Variants in SEC24D observed in about 807,000 individuals in gnomAD.
The protein encoded by SEC24D is protein transport protein Sec24D.
In SEC24D, 69 loss-of-function variants were observed where a neutral mutation model predicts 116.9. That is an observed-to-expected ratio of 0.59 (90% CI 0.49 to 0.72). The LOEUF is 0.72. Ranked by LOEUF, SEC24D falls within the 30% of genes least tolerant of loss-of-function variation. The pLI is 0.00. For missense variants in SEC24D, 1,131 were observed against 1,264.1 expected (o/e 0.89, Z 1.60); for synonymous variants, 405 against 442.8 (o/e 0.91, Z 1.07).
chr4:118,816,675 T>G (rs1477418326), intron 4 of SEC24D: 1 of 313,742 alleles, frequency 3.2e-6, no homozygotes, highest in Admixed American at 4.6e-5. Flanking sequence ...TTAAGTAACA[T>G]GGAAACATTC....
chr4:118,754,585 GA>G (rs1457510575), intron 11 of SEC24D, among the ~76,000 whole-genome samples: 1 of 152,120 alleles, frequency 6.6e-6, no homozygotes, highest in Non-Finnish European at 1.5e-5. Flanking sequence ...ACAATGTGGG[GA>G]ATTCGATATT....
At chr4:118,798,525 T>C (rs547410432) in intron 7 of SEC24D, among the ~76,000 whole-genome samples, 1 of 152,318 alleles carries the variant, frequency 6.6e-6, no homozygotes, top group African/African-American at 2.4e-5. Context: ...ATATTATGAC[T>C]AAAAGAATGT....
At chr4:118,775,442 TGAGA>T (rs796391777) in intron 8 of SEC24D, among the ~76,000 whole-genome samples, 28 of 151,330 alleles carry the variant, frequency 1.9e-4, no homozygotes, top group African/African-American at 5.8e-4. Context: ...ATTTGTCCAC[TGAGA>T]GAGAGAAAGA....
chr4:118,792,353 G>A (rs1319909732), intron 8 of SEC24D, among the ~76,000 whole-genome samples: 1 of 151,182 alleles, frequency 6.6e-6, no homozygotes, highest in African/African-American at 2.4e-5. Flanking sequence ...TAGGAAGTGA[G>A]GAGCCCCTCT....
At position 118,789,560 on chromosome 4, in the gene SEC24D, T is replaced by C. The variant is rs113935284; in HGVS notation, c.1041+8123A>G. Among the ~76,000 whole-genome samples the C allele has an allele frequency of 4.5e-4, 69 of 152,316 alleles. 1 individual carries two copies. Among genetic ancestry groups the C allele is most frequent in the African/African-American group, 1.6e-3 (65 of 41,582 alleles). ...TATAAACAATCATTAACAAGAAAGA[T>C]TTAAACAGCATGTATTATTTATTTA... On this transcript the variant is annotated intron_variant, in intron 8 of 22. Coordinates refer to ENST00000280551, the MANE Select transcript of SEC24D (RefSeq NM_014822.4).
intron 20 of SEC24D, among the ~76,000 whole-genome samples, chr4:118,732,197 C>T (rs1725726466): frequency 6.6e-6 from 1 of 152,066 alleles, no homozygotes; most frequent in Non-Finnish European, 1.5e-5. Context: ...GCTGGAGGCA[C>T]TATCTCGGCT....
chr4:118,809,029 A>C (rs1729791402), intron 6 of SEC24D, among the ~76,000 whole-genome samples: 1 of 151,048 alleles, frequency 6.6e-6, no homozygotes, highest in African/African-American at 2.4e-5. Flanking sequence ...GCTGGAGTGC[A>C]GTGGCACGAT....
chr4:118,738,277 G>T lies in SEC24D; in HGVS notation c.2480C>A (p.Pro827His). ...LACYRKNCAS[P>H]SAASQLILPD... ...GTAGCTCACCTGGCTTGCTGCAGAA[G>T]GACTTGCACAATTCTTCCGGTAACA... Residue 827 changes from proline (P) to histidine (H), a missense_variant, in exon 19 of 23, where the codon CCT (proline) becomes CAT (histidine). Physicochemically the swap from Pro to His is moderately conservative, Grantham distance 77. Transcript: ENST00000280551. The T allele has an allele frequency of 6.2e-7, 1 of 1,612,048 alleles. No homozygotes were observed. The highest frequency in any genetic ancestry group is 1.1e-5 in the South Asian group (1 of 91,036).
chr4:118,751,422 C>A lies in SEC24D; in HGVS notation c.1707+574G>T, dbSNP rs569567343. Among the ~76,000 whole-genome samples the A allele has an allele frequency of 3.9e-5, 6 of 152,278 alleles. No individual in the cohort carries two copies. In the East Asian group the frequency reaches 1.2e-3, roughly 29 times the overall value. On this transcript the variant is annotated intron_variant, in intron 13 of 22. Coordinates refer to ENST00000280551, the MANE Select transcript of SEC24D (RefSeq NM_014822.4). ...CAAACTCCCAATTTCAGGTGGTCTG[C>A]CTGCCTCAGCCTCCCAAGGTGCTGG...
At chr4:118,766,252 A>AC (rs1727638254) in intron 9 of SEC24D, among the ~76,000 whole-genome samples, 1 of 152,072 alleles carries the variant, frequency 6.6e-6, no homozygotes, top group Non-Finnish European at 1.5e-5. Context: ...ATCATGTACT[A>AC]CCCTTTGGCC....
intron 22 of SEC24D, 62 bp from the exon 23 acceptor site, chr4:118,723,717 C>A: frequency 6.5e-7 from 1 of 1,549,722 alleles, no homozygotes; most frequent in South Asian, 1.2e-5. Context: ...GAAAATGGGT[C>A]AATTTTGTCT....
At chr4:118,751,620 G>A (rs1455828935) in intron 13 of SEC24D, among the ~76,000 whole-genome samples, 1 of 152,188 alleles carries the variant, frequency 6.6e-6, no homozygotes, top group Non-Finnish European at 1.5e-5. Context: ...CACTGACTGT[G>A]ACAAGGCCTT....
At chr4:118,811,402 T>C (rs140785114) in intron 6 of SEC24D, among the ~76,000 whole-genome samples, 1 of 152,392 alleles carries the variant, frequency 6.6e-6, no homozygotes, top group East Asian at 1.9e-4. Flanking sequence ...TGTGTCAACT[T>C]GGCTAGGCCA....
intron 9 of SEC24D, 22 bp downstream of exon 9, chr4:118,768,151 A>G: frequency 1.9e-6 from 3 of 1,597,856 alleles, no homozygotes; most frequent in Non-Finnish European, 8.5e-7. Flanking sequence ...TTTCACAAAG[A>G]GCTTTTAATG....
rs116332265 is a variant in SEC24D at position 118,805,414 on chromosome 4, G to A, written c.913+429C>T. Among the ~76,000 whole-genome samples, 773 of 152,154 alleles carry A rather than the reference G, an allele frequency of 5.1e-3. 7 individuals are homozygous for A. Among genetic ancestry groups the A allele is most frequent in the African/African-American group, 0.018 (742 of 41,510 alleles). ...CTTCTCCTCTTTCCAGTTTAAATGT[G>A]GGAAAACAGAACCCAAAATGTTAAA... On this transcript the variant is annotated intron_variant, in intron 7 of 22. Transcript: ENST00000280551.
At position 118,750,872 on chromosome 4, in the gene SEC24D, T is replaced by G. The variant is rs116422832; in HGVS notation, c.1707+1124A>C. ...ATATTCTGAGACTTTTTGAGTGATA[T>G]CCACAATAGTCTTTGATCCCATAAA... On this transcript the variant is annotated intron_variant, in intron 13 of 22. Transcript: ENST00000280551. Among the ~76,000 whole-genome samples, 503 of 152,032 alleles carry G rather than the reference T, an allele frequency of 3.3e-3. 1 individual carries two copies. Among genetic ancestry groups the G allele is most frequent in the African/African-American group, 0.011 (473 of 41,488 alleles).
chr4:118,798,415 T>C (rs886877361), intron 7 of SEC24D, among the ~76,000 whole-genome samples: 4 of 152,222 alleles, frequency 2.6e-5, no homozygotes, highest in Non-Finnish European at 5.9e-5. Context: ...GACCAAAATA[T>C]CTTTACTTCA....
intron 7 of SEC24D, among the ~76,000 whole-genome samples, chr4:118,798,684 G>A (rs941630688): frequency 3.3e-5 from 5 of 152,208 alleles, no homozygotes; most frequent in African/African-American, 1.2e-4. Flanking sequence ...GGTGATAAAT[G>A]CTGTGAAAAA....
chr4:118,827,061 T>G (rs1730619139), intron 2 of SEC24D, among the ~76,000 whole-genome samples: 1 of 152,168 alleles, frequency 6.6e-6, no homozygotes, highest in Non-Finnish European at 1.5e-5. Context: ...AGCAGGAGTT[T>G]TCTTCATATA....
Sources: allele counts gnomAD v4.1 joint callset (sites outside exome capture counted in the v4.1 genomes callset), GRCh38; gene constraint gnomAD v4.1.1; transcripts MANE v1.5; gene names NCBI Gene and HGNC (gene_info 2026-07-23, HGNC 2026-07-21).